Variants in SBF2 observed in about 807,000 individuals in gnomAD.
The protein encoded by SBF2 is myotubularin-related protein 13.
A neutral mutation model predicts 225.2 loss-of-function variants in SBF2; 112 were observed. The observed-to-expected ratio is 0.50, with a 90% CI of 0.43 to 0.58. SBF2 has a LOEUF of 0.58. Ranked by LOEUF, SBF2 falls within the 20% of genes least tolerant of loss-of-function variation. The probability of loss-of-function intolerance (pLI) is 0.00; values close to 1 mark genes in which losing one functional copy is unlikely to be tolerated. For synonymous variants in SBF2, 763 were observed against 773.3 expected, an observed-to-expected ratio of 0.99 and a Z score of 0.22; for missense variants, 1,996 against 2,206.2, an observed-to-expected ratio of 0.90 and a Z score of 1.91.
Position 9,845,638 on chromosome 11 carries a change from AG to A in SBF2, c.3036del (p.Phe1013LeufsTer12). 2 of 1,613,954 alleles carry A rather than the reference AG, an allele frequency of 1.2e-6. No homozygotes were observed. The highest frequency in any genetic ancestry group is 1.7e-6 in the Non-Finnish European group (2 of 1,179,814). On this transcript the variant is annotated frameshift_variant, in exon 24 of 40. Coordinates refer to ENST00000256190, the MANE Select transcript of SBF2 (RefSeq NM_030962.4). LOFTEE classifies it high-confidence loss of function. ...KFRYPQSIFS[T>X]FAFAAGQTTP... ...GTAGTTTGTCCAGCAGCAAAAGCAAAGGTACTGAAAATGGACTGAGGATAAC... is the reference window on the plus strand; with the variant it reads ...GTAGTTTGTCCAGCAGCAAAAGCAAAGTACTGAAAATGGACTGAGGATAAC...
intron 16 of SBF2, among the ~76,000 whole-genome samples, chr11:9,942,405 T>C (rs563789883): frequency 7.9e-5 from 12 of 152,330 alleles, no homozygotes; most frequent in African/African-American, 2.6e-4. Context: ...ACTATGTTTA[T>C]AGATACGAAA....
At chr11:9,990,804 G>A (rs960326713) in intron 12 of SBF2, among the ~76,000 whole-genome samples, 16 of 152,252 alleles carry the variant, frequency 1.1e-4, no homozygotes, top group African/African-American at 3.1e-4. Context: ...GAAGCCTAAC[G>A]CAGTCGAGTG....
At chr11:10,050,174 T>A (rs921616298) in intron 2 of SBF2, among the ~76,000 whole-genome samples, 4 of 152,188 alleles carry the variant, frequency 2.6e-5, no homozygotes, top group African/African-American at 9.6e-5. Context: ...TATTTTCACA[T>A]CTTTAAAGAA....
chr11:10,139,729 C>T (rs1294276529), intron 2 of SBF2, among the ~76,000 whole-genome samples: 1 of 152,164 alleles, frequency 6.6e-6, no homozygotes, highest in Non-Finnish European at 1.5e-5. Context: ...GTCTTCCTGC[C>T]TTCATTCCAA....
chr11:9,846,530 A>C (rs1361406143), intron 23 of SBF2, among the ~76,000 whole-genome samples: 8 of 152,216 alleles, frequency 5.3e-5, no homozygotes, highest in African/African-American at 1.9e-4. Context: ...TTGCTTTATC[A>C]GGGGTATGCA....
At chr11:9,854,194 G>A (rs974713657) in intron 19 of SBF2, among the ~76,000 whole-genome samples, 3 of 152,140 alleles carry the variant, frequency 2.0e-5, no homozygotes, top group Admixed American at 6.5e-5. Context: ...AGCAACAAGC[G>A]TACTCTTCCA....
chr11:10,146,944 A>T (rs1292028502), intron 2 of SBF2, among the ~76,000 whole-genome samples: 1 of 152,150 alleles, frequency 6.6e-6, no homozygotes, highest in Non-Finnish European at 1.5e-5. Flanking sequence ...GCATGTGGCC[A>T]ATGACCATAT....
intron 2 of SBF2, among the ~76,000 whole-genome samples, chr11:10,133,598 A>G (rs971999296): frequency 3.5e-5 from 5 of 141,940 alleles, no homozygotes; most frequent in Non-Finnish European, 1.6e-5. Context: ...GGCTGCTCCG[A>G]GTGCGGGGCC....
At chr11:10,096,909 T>C (rs778547880) in intron 2 of SBF2, among the ~76,000 whole-genome samples, 1 of 152,140 alleles carries the variant, frequency 6.6e-6, no homozygotes, top group South Asian at 2.1e-4. Flanking sequence ...TAAGAGAAAA[T>C]TGGACATGTA....
intron 2 of SBF2, among the ~76,000 whole-genome samples, chr11:10,122,491 T>G (rs900362461): frequency 1.3e-5 from 2 of 152,196 alleles, no homozygotes; most frequent in African/African-American, 4.8e-5. Context: ...ATTATGAGAC[T>G]TTTCCAACAT....
In SBF2 at chr11:9,839,564, G is replaced by C. The variant is rs1855964179; in HGVS notation, c.3389C>G (p.Ser1130Cys). The C allele has an allele frequency of 6.2e-7, 1 of 1,614,158 alleles. No individual in the cohort carries two copies. The highest frequency in any genetic ancestry group is 8.5e-7 in the Non-Finnish European group (1 of 1,180,022). Residue 1130 changes from serine to cysteine, a missense_variant, in exon 26 of 40, where the codon TCT becomes TGT. Coordinates refer to ENST00000256190, the MANE Select transcript of SBF2 (RefSeq NM_030962.4). ...RLGLGTISGS[S>C]SRSRPEYFRI... The stretch of plus-strand genomic sequence containing the variant: ...AAAATACTCGGGTCTTGAACGGGAA[G>C]AGCTGCCACTTATGGTTCCTAAACC...
chr11:10,276,295 T>C (rs368605633), intron 1 of SBF2, among the ~76,000 whole-genome samples: 14 of 152,342 alleles, frequency 9.2e-5, no homozygotes, highest in African/African-American at 3.4e-4. Flanking sequence ...TTTATTTATT[T>C]GTATCAATTT....
At chr11:10,189,525 T>C (rs1010828750) in intron 2 of SBF2, among the ~76,000 whole-genome samples, 1 of 152,198 alleles carries the variant, frequency 6.6e-6, no homozygotes, top group Admixed American at 6.5e-5. Context: ...TTTCCTATGT[T>C]ACACCTGCAC....
rs183316172 is a variant in SBF2, at chr11:10,169,434, C to T, written c.141+24468G>A. Reference sequence around the variant, plus strand: ...ACTCCCACAAATAAGTGAGAATGTGCAAAGTTTGTCTTTCTGTGCCTAGCT... The same window carrying T: ...ACTCCCACAAATAAGTGAGAATGTGTAAAGTTTGTCTTTCTGTGCCTAGCT... On this transcript the variant is annotated intron_variant, in intron 2 of 39. Transcript: ENST00000256190. Among the ~76,000 whole-genome samples the T allele has an allele frequency of 8.5e-4, 129 of 152,204 alleles. 1 individual carries two copies. The highest frequency in any genetic ancestry group is 1.5e-3 in the Non-Finnish European group (101 of 67,986).
intron 1 of SBF2, among the ~76,000 whole-genome samples, chr11:10,207,732 G>A (rs1957794914): frequency 6.6e-6 from 1 of 150,908 alleles, no homozygotes; most frequent in African/African-American, 2.4e-5. Context: ...CTTTTCTATG[G>A]GAAAAAAAAA....
chr11:10,004,380 G>A (rs66553354), intron 6 of SBF2, among the ~76,000 whole-genome samples: 20,740 of 151,664 alleles, frequency 0.14, 1,527 homozygotes, highest in African/African-American at 0.16. Flanking sequence ...AGCTAGTATT[G>A]TATGTATTAT....
intron 21 of SBF2, among the ~76,000 whole-genome samples, chr11:9,851,146 A>AC (rs1856914746): frequency 1.3e-5 from 2 of 149,788 alleles, no homozygotes; most frequent in African/African-American, 4.9e-5. Flanking sequence ...AAAAAAAAAA[A>AC]AAACAACAAC....
chr11:10,087,739 T>C (rs1003459844), intron 2 of SBF2, among the ~76,000 whole-genome samples: 1 of 152,226 alleles, frequency 6.6e-6, no homozygotes, highest in Non-Finnish European at 1.5e-5. Context: ...TTTTGATTTA[T>C]TTCCAAATCA....
In SBF2 at chr11:10,257,058, C is replaced by T. The variant is rs143649926; in HGVS notation, c.55+36957G>A. Among the ~76,000 whole-genome samples the T allele has an allele frequency of 5.9e-5, 9 of 152,284 alleles. No homozygotes were observed. The East Asian group carries it at 1.7e-3, about 29-fold the overall frequency. ...TCACCACGTCAGGCACTGAGCTAAG[C>T]ACTTGACAGGAAACATCACGCATTA... On this transcript the variant is annotated intron_variant, in intron 1 of 39. Coordinates refer to ENST00000256190, the MANE Select transcript of SBF2 (RefSeq NM_030962.4).
Sources: gnomAD v4.1 joint callset for allele counts (sites outside exome capture counted in the v4.1 genomes callset) on GRCh38, gnomAD v4.1.1 for gene constraint, MANE v1.5 for transcripts, NCBI Gene and HGNC (gene_info 2026-07-23, HGNC 2026-07-21) for gene names.